Variants in ERBB4 observed in about 807,000 individuals in gnomAD.
The protein encoded by ERBB4 is receptor tyrosine-protein kinase erbB-4.
A neutral mutation model predicts 158.0 loss-of-function variants in ERBB4; 42 were observed. That is an observed-to-expected ratio of 0.27 (90% CI 0.21 to 0.34). The LOEUF is 0.34. Among genes scored for constraint, ERBB4 ranks in the 10% least tolerant of loss-of-function variants. The probability of loss-of-function intolerance (pLI) is 1.00; values close to 1 mark genes in which losing one functional copy is unlikely to be tolerated. For synonymous variants in ERBB4, 583 were observed against 558.7 expected, an observed-to-expected ratio of 1.04 and a Z score of -0.61; for missense variants, 1,333 against 1,624.1, an observed-to-expected ratio of 0.82 and a Z score of 3.08.
intron 3 of ERBB4, among the ~76,000 whole-genome samples, chr2:211,939,957 GAA>G (rs60601231): frequency 0.17 from 23,227 of 138,364 alleles, 2,928 homozygotes; most frequent in African/African-American, 0.37. Context: ...AAAAAAAAAG[GAA>G]AAAAAAAATA....
intron 3 of ERBB4, among the ~76,000 whole-genome samples, chr2:211,863,741 G>A (rs996903205): frequency 6.6e-6 from 1 of 152,156 alleles, no homozygotes; most frequent in Non-Finnish European, 1.5e-5. Context: ...GTGAAGGTCC[G>A]TGGCTTCATT....
At chr2:211,931,942 T>C (rs180975697) in intron 3 of ERBB4, among the ~76,000 whole-genome samples, 5 of 152,208 alleles carry the variant, frequency 3.3e-5, no homozygotes, top group Admixed American at 2.6e-4. Flanking sequence ...TTGCATACAT[T>C]GTTTGCATTT....
At chr2:211,993,577 ATT>A (rs151240893) in intron 2 of ERBB4, among the ~76,000 whole-genome samples, 2 of 149,086 alleles carry the variant, frequency 1.3e-5, no homozygotes, top group African/African-American at 2.5e-5. Flanking sequence ...CCAAATTGCT[ATT>A]TTTTTTTTCA....
At chr2:211,472,109 A>G (rs528643644) in intron 20 of ERBB4, among the ~76,000 whole-genome samples, 3 of 152,122 alleles carry the variant, frequency 2.0e-5, no homozygotes, top group Non-Finnish European at 4.4e-5. Flanking sequence ...TGGTTATCCA[A>G]TTGGAAAAAT....
At chr2:211,611,197 A>C (rs1328632882) in intron 19 of ERBB4, among the ~76,000 whole-genome samples, 5 of 152,080 alleles carry the variant, frequency 3.3e-5, no homozygotes, top group Non-Finnish European at 7.4e-5. Context: ...AAGCTAAGGG[A>C]TTGAAACTTC....
chr2:211,834,751 A>G (rs534420121), intron 3 of ERBB4, among the ~76,000 whole-genome samples: 1 of 152,096 alleles, frequency 6.6e-6, no homozygotes, highest in Non-Finnish European at 1.5e-5. Flanking sequence ...TGAATCTCAC[A>G]AAGTGAAATT....
chr2:212,256,436 T>A (rs1236812797), intron 1 of ERBB4, among the ~76,000 whole-genome samples: 1 of 152,112 alleles, frequency 6.6e-6, no homozygotes, highest in Non-Finnish European at 1.5e-5. Context: ...GAAAGTGAAT[T>A]TGATAGTCAG....
chr2:211,521,499 T>C (rs961383023), intron 20 of ERBB4, among the ~76,000 whole-genome samples: 1 of 152,126 alleles, frequency 6.6e-6, no homozygotes, highest in Non-Finnish European at 1.5e-5. Context: ...TAAAAGTGCA[T>C]GTGAAGCAGC....
intron 1 of ERBB4, among the ~76,000 whole-genome samples, chr2:212,144,642 C>A (rs1278447835): frequency 6.6e-6 from 1 of 152,140 alleles, no homozygotes; most frequent in African/African-American, 2.4e-5. Flanking sequence ...TTTCTATTTG[C>A]AAAGTTGTTT....
intron 1 of ERBB4, among the ~76,000 whole-genome samples, chr2:212,253,550 G>A (rs753349185): frequency 1.4e-4 from 21 of 152,016 alleles, no homozygotes; most frequent in East Asian, 1.9e-4. Flanking sequence ...TTCTGATTCC[G>A]TAGTCTGGAG....
intron 1 of ERBB4, among the ~76,000 whole-genome samples, chr2:212,506,531 CA>C (rs570836627): frequency 0.15 from 18,471 of 126,512 alleles, 1,182 homozygotes; most frequent in Non-Finnish European, 0.17. Context: ...CAAATGATAA[CA>C]AAAAAAAAAA....
At position 212,336,929 on chromosome 2, in the gene ERBB4, C is replaced by T. The variant is rs554290566; in HGVS notation, c.82+201520G>A. Among the ~76,000 whole-genome samples the T allele has an allele frequency of 2.6e-5, 4 of 152,180 alleles. No individual in the cohort carries two copies. The South Asian group carries it at 8.3e-4, about 32-fold the overall frequency. On this transcript the variant is annotated intron_variant, in intron 1 of 27. Coordinates refer to ENST00000342788, the MANE Select transcript of ERBB4 (RefSeq NM_005235.3). ...TAGTTCTGAGGTAGGTCCTGCAATA[C>T]TGCACTTCTTATAGGTCAGTACTGT...
At chr2:212,369,704 T>G (rs2090017743) in intron 1 of ERBB4, among the ~76,000 whole-genome samples, 1 of 152,102 alleles carries the variant, frequency 6.6e-6, no homozygotes, top group Admixed American at 6.6e-5. Flanking sequence ...TACCTTTTTT[T>G]ATTTTGTGGG....
intron 4 of ERBB4, among the ~76,000 whole-genome samples, chr2:211,753,854 A>AT (rs1047804300): frequency 0.028 from 3,415 of 121,268 alleles, 180 homozygotes; most frequent in African/African-American, 0.072. Context: ...AAAAGTCCTG[A>AT]TTTTTTTTTT....
At chr2:212,051,461 T>A (rs1455016767) in intron 2 of ERBB4, among the ~76,000 whole-genome samples, 4 of 152,152 alleles carry the variant, frequency 2.6e-5, no homozygotes, top group African/African-American at 9.7e-5. Context: ...CTCAAACCTA[T>A]GCATTTAAAG....
At chr2:212,093,681 G>A (rs1233252685) in intron 2 of ERBB4, among the ~76,000 whole-genome samples, 1 of 152,176 alleles carries the variant, frequency 6.6e-6, no homozygotes, top group Non-Finnish European at 1.5e-5. Context: ...TGGGAAAATT[G>A]ATAGTTCTCA....
At chr2:212,252,955 C>G (rs1015495043) in intron 1 of ERBB4, among the ~76,000 whole-genome samples, 1 of 152,100 alleles carries the variant, frequency 6.6e-6, no homozygotes, top group Non-Finnish European at 1.5e-5. Context: ...GAGTGAGCAT[C>G]TTGTGGGAAA....
chr2:212,098,289 TG>T (rs1306845419), intron 2 of ERBB4, among the ~76,000 whole-genome samples: 1 of 152,180 alleles, frequency 6.6e-6, no homozygotes, highest in East Asian at 1.9e-4. Context: ...TCCTTGACTT[TG>T]CATTTAAAGG....
intron 20 of ERBB4, among the ~76,000 whole-genome samples, chr2:211,541,931 G>A (rs1436644564): frequency 6.6e-6 from 1 of 151,966 alleles, no homozygotes. Context: ...ACTCAAAAAT[G>A]AGCATGAGTT....
Sources: allele counts gnomAD v4.1 joint callset (sites outside exome capture counted in the v4.1 genomes callset), GRCh38; gene constraint gnomAD v4.1.1; transcripts MANE v1.5; gene names NCBI Gene and HGNC (gene_info 2026-07-23, HGNC 2026-07-21).